PTPRG: variants seen among roughly 807,000 people sequenced by gnomAD.
PTPRG encodes the protein protein tyrosine phosphatase receptor type G, also known as receptor-type tyrosine-protein phosphatase gamma.
PTPRG carries 102 observed loss-of-function variants against 165.3 expected under a neutral mutation model. The ratio of observed to expected loss-of-function variants is 0.62; its 90% CI spans 0.53 to 0.73. PTPRG has a LOEUF of 0.73. Among genes scored for constraint, PTPRG ranks in the 30% least tolerant of loss-of-function variants. The pLI, the probability that PTPRG is intolerant of heterozygous loss-of-function variation, is 0.00. For missense variants in PTPRG, 1,866 were observed against 1,861.4 expected (o/e 1.00, Z -0.05); for synonymous variants, 675 against 669.5 (o/e 1.01, Z -0.13).
chr3:62,267,543 G>A, intron 18 of PTPRG, 51 bp downstream of exon 18: 1 of 1,542,688 alleles, frequency 6.5e-7, no homozygotes, highest in Non-Finnish European at 8.9e-7. Context: ...GAAGACTGCA[G>A]CAGAAACTGT....
At chr3:61,688,329 C>T (rs937781631) in intron 1 of PTPRG, among the ~76,000 whole-genome samples, 4 of 152,194 alleles carry the variant, frequency 2.6e-5, no homozygotes, top group Non-Finnish European at 5.9e-5. Flanking sequence ...GGAAACAGCT[C>T]CCCACGGGCC....
At chr3:61,618,297 T>A (rs760465967) in intron 1 of PTPRG, among the ~76,000 whole-genome samples, 1 of 152,224 alleles carries the variant, frequency 6.6e-6, no homozygotes, top group Non-Finnish European at 1.5e-5. Context: ...ACTGAAGTTA[T>A]ATCCATTAAG....
chr3:61,990,159 A>G (rs1003277042), intron 3 of PTPRG, among the ~76,000 whole-genome samples: 4 of 152,106 alleles, frequency 2.6e-5, no homozygotes, highest in African/African-American at 9.7e-5. Flanking sequence ...TTTAAGTTTT[A>G]ATTAAAAATT....
intron 2 of PTPRG, among the ~76,000 whole-genome samples, chr3:61,891,304 T>A (rs1304074271): frequency 6.6e-6 from 1 of 151,894 alleles, no homozygotes; most frequent in Non-Finnish European, 1.5e-5. Flanking sequence ...CCAAAAAAAA[T>A]AAAAATACAA....
intron 13 of PTPRG, among the ~76,000 whole-genome samples, chr3:62,226,354 A>G (rs144493328): frequency 6.6e-6 from 1 of 152,356 alleles, no homozygotes; most frequent in East Asian, 1.9e-4. Context: ...AAGGCCAGAT[A>G]TAAATCATCC....
At chr3:61,617,939 G>C (rs562430076) in intron 1 of PTPRG, among the ~76,000 whole-genome samples, 107 of 152,310 alleles carry the variant, frequency 7.0e-4, no homozygotes, top group Non-Finnish European at 1.4e-3. Flanking sequence ...GTCTGATAGT[G>C]CTGCAGACCA....
chr3:61,822,918 A>G (rs558090711), intron 2 of PTPRG, among the ~76,000 whole-genome samples: 1 of 152,332 alleles, frequency 6.6e-6, no homozygotes, highest in African/African-American at 2.4e-5. Flanking sequence ...TACATGGCCG[A>G]TGGTGACTTG....
intron 5 of PTPRG, among the ~76,000 whole-genome samples, chr3:62,127,193 G>C (rs891839633): frequency 6.6e-6 from 1 of 152,186 alleles, no homozygotes; most frequent in African/African-American, 2.4e-5. Flanking sequence ...TTCTGGGTAA[G>C]GGCTAACCAA....
intron 1 of PTPRG, among the ~76,000 whole-genome samples, chr3:61,625,639 C>T (rs981420183): frequency 5.9e-5 from 9 of 152,122 alleles, no homozygotes; most frequent in African/African-American, 1.2e-4. Context: ...TAGTCATACA[C>T]GTCATGGGAT....
At chr3:62,193,219 A>C (rs1241687907) in intron 9 of PTPRG, among the ~76,000 whole-genome samples, 10 of 152,226 alleles carry the variant, frequency 6.6e-5, no homozygotes, top group Admixed American at 2.6e-4. Flanking sequence ...TCTAAGTGGA[A>C]AATAATTAAA....
chr3:61,908,137 A>AG (rs946764565), intron 2 of PTPRG, among the ~76,000 whole-genome samples: 1 of 148,624 alleles, frequency 6.7e-6, no homozygotes, highest in Non-Finnish European at 1.5e-5. Flanking sequence ...AAAAAAAAAA[A>AG]AAAAAAAAAA....
chr3:61,566,270 G>T lies in PTPRG; in HGVS notation c.85+3898G>T, dbSNP rs575388359. 2.0e-5 allele frequency among the ~76,000 whole-genome samples: 3 copies of T among 152,326 alleles called. No individual in the cohort carries two copies. In the East Asian group the frequency reaches 5.8e-4, roughly 29 times the overall value. On this transcript the variant is annotated intron_variant, in intron 1 of 29. Transcript: ENST00000474889. ...TTTTCACTGAATAAAAGATTATGTT[G>T]TTGTTTACATGAAGCGATCCAGCGA...
chr3:61,613,339 A>G (rs554059151), intron 1 of PTPRG, among the ~76,000 whole-genome samples: 1 of 152,264 alleles, frequency 6.6e-6, no homozygotes, highest in Admixed American at 6.5e-5. Flanking sequence ...CCTTTAAGCA[A>G]AGCATCAGGA....
chr3:62,241,771 T>A (rs905691803), intron 14 of PTPRG, among the ~76,000 whole-genome samples: 15 of 152,218 alleles, frequency 9.9e-5, no homozygotes, highest in Admixed American at 3.9e-4. Context: ...ATTATGGTCT[T>A]AAAATCAAAG....
At chr3:61,876,123 A>G (rs566100025) in intron 2 of PTPRG, among the ~76,000 whole-genome samples, 2 of 152,358 alleles carry the variant, frequency 1.3e-5, no homozygotes, top group East Asian at 3.9e-4. Flanking sequence ...GGGACATGAC[A>G]TGATTTCTGT....
At position 62,203,993 on chromosome 3, in the gene PTPRG, ATAGTCGTAC is replaced by A. The variant is rs1386525508; in HGVS notation, c.2155+44_2155+52del. ...TCTTCGAGGGTTCCTGCTCCTGTGA[ATAGTCGTAC>A]CCTTTTTCAAAAAATTGGGAGCAGA... On this transcript the variant is annotated intron_variant, in intron 12 of 29. Transcript: ENST00000474889. The surrounding 1 kb of genome is among the most constrained non-coding windows in gnomAD (Gnocchi z 6.4). 8.6e-6 allele frequency: 13 copies of A among 1,513,652 alleles called. No homozygotes were observed. The highest frequency in any genetic ancestry group is 1.1e-5 in the Non-Finnish European group (13 of 1,130,740). 93.8% of individuals were successfully genotyped at this position (1,513,652 alleles called of 1,614,324 possible).
chr3:62,057,475 G>C (rs917395712), intron 4 of PTPRG, among the ~76,000 whole-genome samples: 1 of 152,202 alleles, frequency 6.6e-6, no homozygotes, highest in African/African-American at 2.4e-5. Context: ...CTGCATCTTA[G>C]ACAGTGGTGT....
chr3:61,791,405 A>G (rs942841235), intron 2 of PTPRG, among the ~76,000 whole-genome samples: 4 of 152,196 alleles, frequency 2.6e-5, no homozygotes, highest in Non-Finnish European at 4.4e-5. Flanking sequence ...AACCAAAATG[A>G]TTCTTTTACT....
chr3:62,189,156 G>A lies in PTPRG; in HGVS notation c.1034-2313G>A, dbSNP rs575331251. On this transcript the variant is annotated intron_variant, in intron 8 of 29. Transcript: ENST00000474889. ...GCGTGATGCCTCCCAGGGGTTCTGC[G>A]GGGCAGTGGGAATGACCCACTAATT... is the stretch of plus-strand genomic sequence containing the variant. Among the ~76,000 whole-genome samples, 4 of 152,168 alleles carry A rather than the reference G, an allele frequency of 2.6e-5. No individual in the cohort carries two copies. The South Asian group carries it at 8.3e-4, about 32-fold the overall frequency.
Sources: gnomAD v4.1 joint callset for allele counts (sites outside exome capture counted in the v4.1 genomes callset) on GRCh38, gnomAD v4.1.1 for gene constraint, Gnocchi (gnomAD v3.1) non-coding constraint, MANE v1.5 for transcripts, NCBI Gene and HGNC (gene_info 2026-07-23, HGNC 2026-07-21) for gene names.